The following PCGF5 variants were observed in gnomAD, a reference collection of about 807,000 sequenced individuals.
PCGF5 encodes polycomb group RING finger protein 5.
Under a neutral mutation model 44.3 loss-of-function variants are expected in PCGF5, and 9 were observed. The observed-to-expected ratio is 0.20, with a 90% CI of 0.12 to 0.35. PCGF5 has a LOEUF of 0.35. PCGF5 is among the 10% of genes least tolerant of loss of function. The pLI is 1.00. For missense variants in PCGF5, 146 were observed against 305.3 expected, an observed-to-expected ratio of 0.48 and a Z score of 3.89; for synonymous variants, 95 against 102.5, an observed-to-expected ratio of 0.93 and a Z score of 0.44.
rs1846373584 is a variant in PCGF5, at chr10:91,278,570, A to G, written c.*254A>G. ...TCAAAGTGTGCAAGTCATGGTAAAA[A>G]TCAGTTAGCTGTGCCGCCATGATTC... On this transcript the variant is annotated 3_prime_UTR_variant, in exon 10 of 10. Transcript: ENST00000336126. 4.6e-6 allele frequency: 2 copies of G among 430,872 alleles called. No individual in the cohort carries two copies. The highest frequency in any genetic ancestry group is 4.0e-5 in the Admixed American group (1 of 25,286). The allele number at this position is 430,872 out of a possible 1,614,324, so 26.7% of individuals were successfully genotyped here. A position where few individuals can be genotyped will look rare whatever the true frequency, so the allele number is the denominator to read the frequency against.
intron 2 of PCGF5, among the ~76,000 whole-genome samples, chr10:91,238,623 T>C (rs1199264174): frequency 2.2e-5 from 3 of 138,246 alleles, no homozygotes; most frequent in Non-Finnish European, 3.1e-5. Flanking sequence ...TTTTTTTTTT[T>C]TTTTTTTTGC....
At chr10:91,266,593 A>G (rs1229930776) in intron 8 of PCGF5, among the ~76,000 whole-genome samples, 1 of 152,224 alleles carries the variant, frequency 6.6e-6, no homozygotes, top group African/African-American at 2.4e-5. Context: ...TTAGTGCAAC[A>G]GTAAAGTAAT....
chr10:91,252,949 A>G (rs1845656075), intron 6 of PCGF5, among the ~76,000 whole-genome samples: 1 of 151,946 alleles, frequency 6.6e-6, no homozygotes, highest in South Asian at 2.1e-4. Flanking sequence ...TTATCCATTC[A>G]CTTTTTCCTT....
Position 91,259,664 on chromosome 10 carries a change from C to T in PCGF5, c.475-1662C>T, listed in dbSNP as rs370236862. Among the ~76,000 whole-genome samples the T allele has an allele frequency of 1.8e-3, 272 of 152,060 alleles. 4 individuals are homozygous for T. The highest frequency in any genetic ancestry group is 6.3e-3 in the African/African-American group (261 of 41,462). On this transcript the variant is annotated intron_variant, in intron 6 of 9. Transcript: ENST00000336126. ...AGAACAGAGCCCTCAGAAATAATGCCGCATATCTACAACTATCTGATCTTT... is the reference window on the plus strand; with the variant it reads ...AGAACAGAGCCCTCAGAAATAATGCTGCATATCTACAACTATCTGATCTTT...
intron 1 of PCGF5, among the ~76,000 whole-genome samples, chr10:91,203,136 C>T (rs543655271): frequency 6.6e-6 from 1 of 152,272 alleles, no homozygotes; most frequent in Non-Finnish European, 1.5e-5. Context: ...ATTTTAAGGG[C>T]TAATTTAGGT....
chr10:91,190,030 C>A (rs1357168480), intron 1 of PCGF5, among the ~76,000 whole-genome samples: 1 of 152,246 alleles, frequency 6.6e-6, no homozygotes, highest in South Asian at 2.1e-4. Flanking sequence ...CAACAAAGCA[C>A]CACAAACTGT....
chr10:91,188,768 C>T (rs1240948092), intron 1 of PCGF5, among the ~76,000 whole-genome samples: 1 of 152,066 alleles, frequency 6.6e-6, no homozygotes, highest in Non-Finnish European at 1.5e-5. Flanking sequence ...GAAAAAAGTC[C>T]AGATCTACAG....
At chr10:91,254,293 T>C (rs965307388) in intron 6 of PCGF5, among the ~76,000 whole-genome samples, 1 of 151,900 alleles carries the variant, frequency 6.6e-6, no homozygotes. Flanking sequence ...GTGTTATGAA[T>C]ACTTAAGACC....
At chr10:91,166,963 C>T (rs1250637056) in intron 1 of PCGF5, among the ~76,000 whole-genome samples, 4 of 152,092 alleles carry the variant, frequency 2.6e-5, no homozygotes, top group Non-Finnish European at 5.9e-5. Context: ...TTTTTTCAAT[C>T]GGAGAATAGG....
intron 2 of PCGF5, among the ~76,000 whole-genome samples, chr10:91,230,477 CA>C (rs1844972727): frequency 1.3e-5 from 2 of 152,126 alleles, no homozygotes; most frequent in Admixed American, 1.3e-4. Flanking sequence ...AATTTAAAGC[CA>C]GGGCGCAAAG....
intron 1 of PCGF5, among the ~76,000 whole-genome samples, chr10:91,189,613 A>G (rs1400099188): frequency 6.6e-6 from 1 of 152,246 alleles, no homozygotes; most frequent in East Asian, 1.9e-4. Flanking sequence ...ATACATACAT[A>G]TCTACATGAA....
intron 1 of PCGF5, among the ~76,000 whole-genome samples, chr10:91,199,468 C>G (rs933738198): frequency 1.3e-5 from 2 of 152,198 alleles, no homozygotes; most frequent in African/African-American, 4.8e-5. Context: ...GGAAAGTGAC[C>G]TTGGGCAAGG....
intron 1 of PCGF5, among the ~76,000 whole-genome samples, chr10:91,186,578 ATG>A (rs57685367): frequency 0.21 from 28,253 of 137,666 alleles, 3,154 homozygotes; most frequent in East Asian, 0.5. Flanking sequence ...GTGTATATAT[ATG>A]TGTGTGTATA....
At chr10:91,189,246 C>T (rs12768855) in intron 1 of PCGF5, among the ~76,000 whole-genome samples, 27,710 of 152,152 alleles carry the variant, frequency 0.18, 3,115 homozygotes, top group East Asian at 0.49. Flanking sequence ...CAGACATCCT[C>T]TCTTGACCCT....
At chr10:91,264,316 A>C in intron 7 of PCGF5, 115 bp from the exon 8 acceptor site, 1 of 776,822 alleles carries the variant, frequency 1.3e-6, no homozygotes, top group Non-Finnish European at 2.0e-6. Context: ...TATTTAAAAT[A>C]ATGGATAATA....
chr10:91,163,317 G>C (rs1000100806), intron 1 of PCGF5, among the ~76,000 whole-genome samples: 1 of 151,184 alleles, frequency 6.6e-6, no homozygotes, highest in Non-Finnish European at 1.5e-5. Context: ...CTGGAGGCAC[G>C]GCGGGGCCGG....
chr10:91,278,433 A>T lies in PCGF5; in HGVS notation c.*117A>T. On this transcript the variant is annotated 3_prime_UTR_variant, in exon 10 of 10. Coordinates refer to ENST00000336126, the MANE Select transcript of PCGF5 (RefSeq NM_032373.5). ...ACACAACCAGATTTTCAGCATGCAA[A>T]TAAGGCCATTGTCTATCTCTAAATT... 1 of 893,898 alleles carries T rather than the reference A, an allele frequency of 1.1e-6. No homozygotes were observed. The highest frequency in any genetic ancestry group is 1.8e-6 in the Non-Finnish European group (1 of 544,110). 55.4% of individuals were successfully genotyped at this position (893,898 alleles called of 1,614,324 possible).
chr10:91,167,790 A>C (rs1455995624), intron 1 of PCGF5, among the ~76,000 whole-genome samples: 12 of 152,244 alleles, frequency 7.9e-5, no homozygotes. Flanking sequence ...TCATCACAGG[A>C]GCCACAGGTA....
intron 1 of PCGF5, among the ~76,000 whole-genome samples, chr10:91,184,108 T>A (rs1843873365): frequency 6.6e-6 from 1 of 152,202 alleles, no homozygotes; most frequent in African/African-American, 2.4e-5. Context: ...GGTTGGCCTG[T>A]CTAGCTAGGT....
Sources: allele counts gnomAD v4.1 joint callset (sites outside exome capture counted in the v4.1 genomes callset), GRCh38; gene constraint gnomAD v4.1.1; transcripts MANE v1.5; gene names NCBI Gene and HGNC (gene_info 2026-07-23, HGNC 2026-07-21).